NUCB1: variants seen among roughly 807,000 people sequenced by gnomAD.
NUCB1 encodes the protein nucleobindin-1.
Under a neutral mutation model 61.2 loss-of-function variants are expected in NUCB1, and 47 were observed. The ratio of observed to expected loss-of-function variants is 0.77; its 90% CI spans 0.61 to 0.98. NUCB1 has a LOEUF of 0.98. NUCB1 is among the 50% of genes least tolerant of loss of function. NUCB1 has a pLI of 0.00. For missense variants in NUCB1, 583 were observed against 605.3 expected (o/e 0.96, Z 0.39); for synonymous variants, 234 against 243.1 (o/e 0.96, Z 0.35).
intron 6 of NUCB1, 63 bp downstream of exon 6, chr19:48,913,259 A>G (rs2037499826): frequency 6.6e-7 from 1 of 1,513,826 alleles, no homozygotes; most frequent in Non-Finnish European, 8.9e-7. Flanking sequence ...AAGACAAGAA[A>G]GCAGTTAAAG....
chr19:48,918,581 T>TG, intron 7 of NUCB1, 145 bp from the exon 8 acceptor site: 1 of 699,292 alleles, frequency 1.4e-6, no homozygotes, highest in Non-Finnish European at 2.6e-6. Flanking sequence ...TACTAAAGCC[T>TG]GGGGGCCACC....
At chr19:48,912,559 T>G (rs926251067) in intron 5 of NUCB1, among the ~76,000 whole-genome samples, 1 of 152,022 alleles carries the variant, frequency 6.6e-6, no homozygotes, top group African/African-American at 2.4e-5. Context: ...CATCAGGCTG[T>G]GCGCGATGGC....
intron 4 of NUCB1, among the ~76,000 whole-genome samples, chr19:48,907,917 C>A (rs2037429641): frequency 2.0e-5 from 3 of 152,170 alleles, no homozygotes; most frequent in South Asian, 4.1e-4. Flanking sequence ...GTCCGTTCGC[C>A]CCGCTCTCCC....
At chr19:48,910,332 T>C (rs1022825968) in intron 4 of NUCB1, among the ~76,000 whole-genome samples, 2 of 151,144 alleles carry the variant, frequency 1.3e-5, no homozygotes, top group Non-Finnish European at 2.9e-5. Flanking sequence ...CCCCTTGGCC[T>C]CCCAAAGTGC....
chr19:48,903,197 C>T (rs530515768), intron 2 of NUCB1, among the ~76,000 whole-genome samples: 1 of 152,096 alleles, frequency 6.6e-6, no homozygotes, highest in East Asian at 1.9e-4. Flanking sequence ...GATATATTGC[C>T]TATTTTATAA....
At chr19:48,903,544 C>G (rs4802521) in intron 2 of NUCB1, among the ~76,000 whole-genome samples, 3,127 of 10,220 alleles carry the variant, frequency 0.31, 88 homozygotes, top group Non-Finnish European at 0.33. Flanking sequence ...GTGGATGGAT[C>G]GATGGGTGGG....
chr19:48,919,093 C>A lies in NUCB1; in HGVS notation c.880C>A (p.Leu294Met). 1 of 1,614,124 alleles carries A rather than the reference C, an allele frequency of 6.2e-7. No homozygotes were observed. The highest frequency in any genetic ancestry group is 8.5e-7 in the Non-Finnish European group (1 of 1,180,012). ...DDMREMEEER[L>M]RMREHVMKNV... ...CATGCGGGAGATGGAGGAGGAGCGA[C>A]TGCGCATGCGGGAGCATGTGATGAA... The change falls in exon 9 of 13, where the codon CTG becomes ATG. Residue 294 changes from leucine (L) to methionine (M), a missense_variant. Leu to Met is a conservative substitution (Grantham distance 15). Transcript: ENST00000405315.
chr19:48,914,164 T>C (rs2037512856), intron 7 of NUCB1, among the ~76,000 whole-genome samples: 3 of 151,906 alleles, frequency 2.0e-5, no homozygotes, highest in South Asian at 2.1e-4. Context: ...TTAGTAGAGA[T>C]GGGGTTTCAC....
intron 3 of NUCB1, among the ~76,000 whole-genome samples, chr19:48,905,319 TC>T (rs1332641258): frequency 6.6e-6 from 1 of 152,148 alleles, no homozygotes; most frequent in Non-Finnish European, 1.5e-5. Context: ...ACCATCATTG[TC>T]CCCATTTCAC....
chr19:48,912,970 G>A, intron 5 of NUCB1, 41 bp from the exon 6 acceptor site: 1 of 1,505,486 alleles, frequency 6.6e-7, no homozygotes, highest in South Asian at 1.3e-5. Context: ...TGGGGGCTGG[G>A]CAGAGGGGGC....
chr19:48,914,800 A>G (rs536953911), intron 7 of NUCB1, among the ~76,000 whole-genome samples: 2 of 151,306 alleles, frequency 1.3e-5, no homozygotes, highest in East Asian at 1.9e-4. Context: ...AAAAAAATAG[A>G]CCAGGCGTGG....
Position 48,919,073 on chromosome 19 carries a change from G to T in NUCB1, c.860G>T (p.Arg287Leu), listed in dbSNP as rs759471322. Reference sequence around the variant, plus strand: ...CCAAAGAATGAGGAGGACGACATGCGGGAGATGGAGGAGGAGCGACTGCGC... The same window carrying T: ...CCAAAGAATGAGGAGGACGACATGCTGGAGATGGAGGAGGAGCGACTGCGC... ...YDPKNEEDDMREMEEERLRMR... is the reference protein window; with the variant it reads ...YDPKNEEDDMLEMEEERLRMR... Residue 287 changes from arginine to leucine, a missense_variant, in exon 9 of 13, where the codon CGG becomes CTG. By Grantham distance (102) the Arg-to-Leu change is moderately radical (BLOSUM62 -2). Coordinates refer to ENST00000405315, the MANE Select transcript of NUCB1 (RefSeq NM_006184.6). The T allele has an allele frequency of 1.2e-6, 2 of 1,614,136 alleles. No individual in the cohort carries two copies. Among genetic ancestry groups the T allele is most frequent in the Non-Finnish European group, 1.7e-6 (2 of 1,180,032 alleles).
intron 11 of NUCB1, 105 bp from the exon 12 acceptor site, chr19:48,921,722 C>T (rs2037611670): frequency 1.8e-6 from 2 of 1,082,554 alleles, no homozygotes; most frequent in East Asian, 2.4e-5. Context: ...TTGGCCGTGA[C>T]CACTTAGCAG....
In NUCB1 at chr19:48,919,121, A is replaced by C; in HGVS notation, c.908A>C (p.Asn303Thr). ...CGCATGCGGGAGCATGTGATGAAGA[A>C]TGTGAGGTGGGGGCCAGGCGGGGGA... is the stretch of plus-strand genomic sequence containing the variant. ...RLRMREHVMK[N>T]VDTNQDRLVT... Residue 303 changes from asparagine (N) to threonine (T), a missense_variant and splice_region_variant, in exon 9 of 13, where the codon AAT becomes ACT. Physicochemically the swap from Asn to Thr is moderately conservative, Grantham distance 65 (BLOSUM62 0). Coordinates refer to ENST00000405315, the MANE Select transcript of NUCB1 (RefSeq NM_006184.6). 1 of 1,614,042 alleles carries C rather than the reference A, an allele frequency of 6.2e-7. No individual in the cohort carries two copies. The highest frequency in any genetic ancestry group is 8.5e-7 in the Non-Finnish European group (1 of 1,179,972).
At chr19:48,902,023 A>G (rs1158812837) in intron 2 of NUCB1, among the ~76,000 whole-genome samples, 2 of 152,172 alleles carry the variant, frequency 1.3e-5, no homozygotes, top group Non-Finnish European at 2.9e-5. Context: ...CCCCATGCCC[A>G]TGGACTATCC....
Position 48,922,351 on chromosome 19 carries a change from A to G in NUCB1, c.1313A>G (p.Gln438Arg). 6.2e-7 allele frequency: 1 copy of G among 1,613,816 alleles called. No homozygotes were observed. The highest frequency in any genetic ancestry group is 1.1e-5 in the South Asian group (1 of 91,090). The change falls in exon 13 of 13, where the codon CAG (glutamine) becomes CGG (arginine). Residue 438 changes from glutamine (Q) to arginine (R), a missense_variant. Gln to Arg is a conservative substitution (Grantham distance 43). Coordinates refer to ENST00000405315, the MANE Select transcript of NUCB1 (RefSeq NM_006184.6). ...DVPVPAPAGD[Q>R]KEVDTSEKKL... ...CCTGTCCCAGCTCCAGCCGGTGACC[A>G]GAAGGAGGTGGACACTTCAGAAAAG...
At position 48,921,337 on chromosome 19, in the gene NUCB1, G is replaced by A. The variant is rs1395585956; in HGVS notation, c.1173+13G>A. 9.6e-6 allele frequency: 15 copies of A among 1,568,086 alleles called. No individual in the cohort carries two copies. The highest frequency in any genetic ancestry group is 1.3e-5 in the Non-Finnish European group (15 of 1,157,092). The stretch of plus-strand genomic sequence containing the variant: ...AGAGCTGCAGCAGGTGACAGCGGGG[G>A]AAGCTGCTTCCATCCACTGAATCTC... On this transcript the variant is annotated intron_variant, in intron 11 of 12. Coordinates refer to ENST00000405315, the MANE Select transcript of NUCB1 (RefSeq NM_006184.6).
chr19:48,915,636 A>T (rs976770849), intron 7 of NUCB1, among the ~76,000 whole-genome samples: 2 of 151,964 alleles, frequency 1.3e-5, no homozygotes, highest in African/African-American at 4.8e-5. Flanking sequence ...AGTATCTGGG[A>T]CCACAGGCAC....
chr19:48,914,970 C>G (rs865844368), intron 7 of NUCB1, among the ~76,000 whole-genome samples: 2 of 151,958 alleles, frequency 1.3e-5, no homozygotes, highest in Admixed American at 6.6e-5. Flanking sequence ...ATCCCAGCTA[C>G]TCAGGAGGCT....
Sources: allele counts gnomAD v4.1 joint callset (sites outside exome capture counted in the v4.1 genomes callset), GRCh38; gene constraint gnomAD v4.1.1; transcripts MANE v1.5; gene names NCBI Gene and HGNC (gene_info 2026-07-23, HGNC 2026-07-21).